The following SUCLG2 variants were observed in gnomAD, a reference collection of about 807,000 sequenced individuals.
The protein encoded by SUCLG2 is succinate-CoA ligase GDP-forming subunit beta.
In SUCLG2, 42 loss-of-function variants were observed where a neutral mutation model predicts 47.9. That is an observed-to-expected ratio of 0.88 (90% CI 0.69 to 1.14). SUCLG2 has a LOEUF of 1.14. Among genes scored for constraint, SUCLG2 ranks in the 50% most tolerant of loss-of-function variants. The pLI is 0.00. For missense variants in SUCLG2, 571 were observed against 525.9 expected (o/e 1.09, Z -0.84); for synonymous variants, 195 against 197.3 (o/e 0.99, Z 0.10).
rs139172843 is a variant in SUCLG2, at chr3:67,424,358, T to C, written c.1063-23507A>G. 9.7e-4 allele frequency among the ~76,000 whole-genome samples: 148 copies of C among 152,312 alleles called. 1 individual carries two copies. The highest frequency in any genetic ancestry group is 3.4e-3 in the African/African-American group (142 of 41,572). ...CATCTCTATTTCCATTCACAGAGATTCAAGGACTCTTTATTTTCCCAGTTA... is the reference window on the plus strand; with the variant it reads ...CATCTCTATTTCCATTCACAGAGATCCAAGGACTCTTTATTTTCCCAGTTA... On this transcript the variant is annotated intron_variant, in intron 9 of 10. Transcript: ENST00000307227.
In SUCLG2 at chr3:67,374,976, T is replaced by G. The variant is rs532340448; in HGVS notation, c.*768A>C. 9.1e-6 allele frequency: 9 copies of G among 985,814 alleles called. No homozygotes were observed. In the East Asian group the frequency reaches 1.0e-3, roughly 112 times the overall value. The allele number at this position is 985,814 out of a possible 1,614,324, so 61.1% of individuals were successfully genotyped here. ...TTCAGTGTTGTCTCATCTTGAAATA[T>G]CTTAATAACAGAGATTTCCATAAGA... On this transcript the variant is annotated 3_prime_UTR_variant, in exon 11 of 11. Coordinates refer to ENST00000307227, the MANE Select transcript of SUCLG2 (RefSeq NM_003848.4).
intron 10 of SUCLG2, among the ~76,000 whole-genome samples, chr3:67,384,272 A>G (rs1702215744): frequency 6.6e-6 from 1 of 152,154 alleles, no homozygotes; most frequent in Non-Finnish European, 1.5e-5. Flanking sequence ...GGGAAGGGAG[A>G]TTTAGATAGA....
chr3:67,548,611 G>A (rs1445033828), intron 2 of SUCLG2, among the ~76,000 whole-genome samples: 1 of 152,156 alleles, frequency 6.6e-6, no homozygotes, highest in Non-Finnish European at 1.5e-5. Context: ...CAAATCTCAT[G>A]TGTACCAATC....
At chr3:67,408,281 A>G (rs1454877549) in intron 9 of SUCLG2, among the ~76,000 whole-genome samples, 7 of 152,186 alleles carry the variant, frequency 4.6e-5, no homozygotes, top group Non-Finnish European at 1.0e-4. Context: ...TGACATGTGA[A>G]AAACAGCATT....
intron 2 of SUCLG2, among the ~76,000 whole-genome samples, chr3:67,537,558 G>T (rs1279689947): frequency 6.6e-6 from 1 of 152,178 alleles, no homozygotes; most frequent in Non-Finnish European, 1.5e-5. Context: ...ATAGTAGAAT[G>T]ATTTATAATC....
chr3:67,600,352 A>G (rs1230398824), intron 2 of SUCLG2, among the ~76,000 whole-genome samples: 1 of 152,244 alleles, frequency 6.6e-6, no homozygotes, highest in Non-Finnish European at 1.5e-5. Flanking sequence ...AAGAAGAAAA[A>G]AAGAAAGAGA....
intron 9 of SUCLG2, among the ~76,000 whole-genome samples, chr3:67,452,208 A>G (rs990232248): frequency 3.3e-5 from 5 of 152,202 alleles, no homozygotes; most frequent in Admixed American, 3.3e-4. Context: ...TCTTTTCCCC[A>G]ATTTTATGTT....
chr3:67,590,377 C>T (rs1279027709), intron 2 of SUCLG2, among the ~76,000 whole-genome samples: 2 of 152,006 alleles, frequency 1.3e-5, no homozygotes, highest in Non-Finnish European at 2.9e-5. Flanking sequence ...GGTGTCTGTC[C>T]CCTCCAAATC....
chr3:67,374,541 A>G (rs959763502), downstream of SUCLG2, among the ~76,000 whole-genome samples: 7 of 152,136 alleles, frequency 4.6e-5, no homozygotes, highest in African/African-American at 1.4e-4. Context: ...TATGGATTCA[A>G]TAATCTCCTA....
intron 1 of SUCLG2, among the ~76,000 whole-genome samples, chr3:67,649,568 C>T (rs1358374953): frequency 6.6e-6 from 1 of 152,086 alleles, no homozygotes; most frequent in Non-Finnish European, 1.5e-5. Flanking sequence ...CTTCTCCATA[C>T]TAAACTGCTC....
intron 6 of SUCLG2, chr3:67,514,120 G>T: frequency 6.4e-6 from 2 of 310,244 alleles, no homozygotes. Flanking sequence ...ACGGCTCATT[G>T]AAGATCCTGC....
At chr3:67,473,517 T>C (rs1704656291) in intron 9 of SUCLG2, among the ~76,000 whole-genome samples, 1 of 152,184 alleles carries the variant, frequency 6.6e-6, no homozygotes, top group Non-Finnish European at 1.5e-5. Context: ...TTAGAGACTG[T>C]TAAAAATAAA....
chr3:67,455,937 T>C (rs1420302498), intron 9 of SUCLG2, among the ~76,000 whole-genome samples: 1 of 152,170 alleles, frequency 6.6e-6, no homozygotes, highest in Non-Finnish European at 1.5e-5. Flanking sequence ...ATTTAACGTA[T>C]TATTACCACT....
intron 9 of SUCLG2, among the ~76,000 whole-genome samples, chr3:67,441,739 C>A (rs1452478551): frequency 6.6e-6 from 1 of 152,166 alleles, no homozygotes; most frequent in African/African-American, 2.4e-5. Flanking sequence ...GTTCAAGCCA[C>A]TTCCAACATA....
At chr3:67,538,323 G>A (rs1337175214) in intron 2 of SUCLG2, among the ~76,000 whole-genome samples, 1 of 152,140 alleles carries the variant, frequency 6.6e-6, no homozygotes, top group Non-Finnish European at 1.5e-5. Context: ...TTAGGAAGAG[G>A]GAATTCTTTC....
At chr3:67,590,063 G>A (rs191494079) in intron 2 of SUCLG2, among the ~76,000 whole-genome samples, 1 of 152,094 alleles carries the variant, frequency 6.6e-6, no homozygotes, top group East Asian at 1.9e-4. Context: ...TCTGCCTCTG[G>A]TCCTATAAAT....
intron 1 of SUCLG2, among the ~76,000 whole-genome samples, chr3:67,635,649 C>G (rs1028449870): frequency 6.6e-6 from 1 of 152,146 alleles, no homozygotes; most frequent in South Asian, 2.1e-4. Context: ...CTGAGACACC[C>G]TCCCACCCCC....
At chr3:67,600,226 G>C (rs1234853738) in intron 2 of SUCLG2, among the ~76,000 whole-genome samples, 2 of 152,098 alleles carry the variant, frequency 1.3e-5, no homozygotes, top group African/African-American at 4.8e-5. Flanking sequence ...CTTCACACTT[G>C]GGTGTTATTG....
chr3:67,463,047 C>A (rs1446860617), intron 9 of SUCLG2, among the ~76,000 whole-genome samples: 1 of 152,148 alleles, frequency 6.6e-6, no homozygotes, highest in Non-Finnish European at 1.5e-5. Flanking sequence ...AGTTTGTGGG[C>A]AGAAACTGCA....
Sources: gnomAD v4.1 joint callset for allele counts (sites outside exome capture counted in the v4.1 genomes callset) on GRCh38, gnomAD v4.1.1 for gene constraint, MANE v1.5 for transcripts, NCBI Gene and HGNC (gene_info 2026-07-23, HGNC 2026-07-21) for gene names.